The following RBFOX1 variants were observed in gnomAD, a reference collection of about 807,000 sequenced individuals.
The protein encoded by RBFOX1 is RNA binding protein fox-1 homolog 1.
In RBFOX1, 8 loss-of-function variants were observed where a neutral mutation model predicts 57.7. That is an observed-to-expected ratio of 0.14 (90% CI 0.08 to 0.25). RBFOX1 has a LOEUF of 0.25. RBFOX1 is among the 10% of genes least tolerant of loss of function. The pLI is 1.00. For missense variants in RBFOX1, 611 were observed against 548.5 expected (o/e 1.11, Z -1.14); for synonymous variants, 326 against 222.4 (o/e 1.47, Z -4.15).
At chr16:6,962,198 C>T (rs982475196) in intron 3 of RBFOX1, among the ~76,000 whole-genome samples, 5 of 152,150 alleles carry the variant, frequency 3.3e-5, no homozygotes, top group African/African-American at 2.4e-5. Context: ...AGAATGACTC[C>T]AACTCTGCTT....
chr16:7,559,197 TA>T (rs1050480166), intron 5 of RBFOX1, among the ~76,000 whole-genome samples: 3 of 152,204 alleles, frequency 2.0e-5, no homozygotes, highest in African/African-American at 7.2e-5. Context: ...AAATTCAATA[TA>T]AAAGATCGAA....
intron 1 of RBFOX1, among the ~76,000 whole-genome samples, chr16:6,183,698 A>G (rs1042917852): frequency 6.6e-6 from 1 of 152,034 alleles, no homozygotes; most frequent in African/African-American, 2.4e-5. Flanking sequence ...CGGTGTAAAG[A>G]CACCTGGCTG....
intron 4 of RBFOX1, among the ~76,000 whole-genome samples, chr16:7,336,912 TATTC>T (rs2096798653): frequency 6.6e-6 from 1 of 152,188 alleles, no homozygotes; most frequent in South Asian, 2.1e-4. Context: ...CTAATGTAAA[TATTC>T]ATGTATTTTG....
Position 6,186,963 on chromosome 16 carries a change from T to C in RBFOX1, c.-126-130032T>C, listed in dbSNP as rs564953554. On this transcript the variant is annotated intron_variant, in intron 1 of 15. Coordinates refer to ENST00000550418, the MANE Select transcript of RBFOX1 (RefSeq NM_018723.4). ...ACAAGTCATTGGATGTTTCTGAAGC[T>C]CCATTGATCTCTTTATTTGGGTATA... 1.3e-5 allele frequency among the ~76,000 whole-genome samples: 2 copies of C among 152,308 alleles called. 1 individual carries two copies. The highest frequency in any genetic ancestry group is 4.1e-4 in the South Asian group (2 of 4,824).
chr16:7,529,415 G>A (rs771262289), intron 5 of RBFOX1, among the ~76,000 whole-genome samples: 10 of 152,276 alleles, frequency 6.6e-5, no homozygotes, highest in South Asian at 6.2e-4. Context: ...AATTACAAGC[G>A]TGATGGTATG....
At position 5,849,318 on chromosome 16, in the gene RBFOX1, C is replaced by T. The variant is rs139374523; in HGVS notation, c.319-17985C>T. ...GGGAAATGGCAGTAACAAGTGTCACCAGGTATTGGGTCCAAACAGGAGACT... is the reference window on the plus strand; with the variant it reads ...GGGAAATGGCAGTAACAAGTGTCACTAGGTATTGGGTCCAAACAGGAGACT... On this transcript the variant is annotated intron_variant, in intron 3 of 19. Coordinates refer to the RBFOX1 transcript ENST00000641259. Among the ~76,000 whole-genome samples, 790 of 152,118 alleles carry T rather than the reference C, an allele frequency of 5.2e-3. 7 individuals carry two copies. The highest frequency in any genetic ancestry group is 0.018 in the African/African-American group (755 of 41,470).
chr16:5,440,145 C>G (rs2068040193), intron 1 of RBFOX1, among the ~76,000 whole-genome samples: 2 of 152,142 alleles, frequency 1.3e-5, no homozygotes, highest in South Asian at 4.1e-4. Flanking sequence ...TATAATAAGA[C>G]CACTTGTAAA....
intron 11 of RBFOX1, among the ~76,000 whole-genome samples, chr16:7,648,503 G>T (rs576299693): frequency 6.6e-6 from 1 of 152,202 alleles, no homozygotes; most frequent in Non-Finnish European, 1.5e-5. Flanking sequence ...GATTACAGGT[G>T]TGAGACACTG....
At chr16:7,623,846 C>T (rs1245810138) in intron 10 of RBFOX1, among the ~76,000 whole-genome samples, 6 of 152,202 alleles carry the variant, frequency 3.9e-5, no homozygotes, top group Admixed American at 1.3e-4. Flanking sequence ...TGTGTGTCCT[C>T]ATCTCCTCTT....
chr16:5,939,719 C>A (rs995051204), intron 4 of RBFOX1, among the ~76,000 whole-genome samples: 1 of 152,132 alleles, frequency 6.6e-6, no homozygotes, highest in Non-Finnish European at 1.5e-5. Context: ...AAAGTGTCAG[C>A]AAATCTGTGG....
intron 4 of RBFOX1, among the ~76,000 whole-genome samples, chr16:7,330,985 G>T (rs370402954): frequency 2.0e-4 from 31 of 152,234 alleles, no homozygotes; most frequent in African/African-American, 7.2e-4. Context: ...GGGTCAGTGC[G>T]CAGCTGTTAT....
At chr16:6,100,541 T>C (rs1040480498) in intron 1 of RBFOX1, among the ~76,000 whole-genome samples, 1 of 152,214 alleles carries the variant, frequency 6.6e-6, no homozygotes, top group African/African-American at 2.4e-5. Flanking sequence ...TTGCACTTAA[T>C]AGACTTTGAT....
rs2092782327 is a variant in RBFOX1, at chr16:7,001,398, T to TGTATGTGTATG, written c.-15-50659_-15-50658insGTATGTGTATG. On this transcript the variant is annotated intron_variant, in intron 3 of 15. Coordinates refer to ENST00000550418, the MANE Select transcript of RBFOX1 (RefSeq NM_018723.4). ...TGTGTATGTGTATGTGTATGTGTAT[T>TGTATGTGTATG]TGTATATGTATATGTATATGTATAT... 3.0e-3 allele frequency among the ~76,000 whole-genome samples: 304 copies of TGTATGTGTATG among 100,860 alleles called. 6 individuals carry two copies. Among genetic ancestry groups the TGTATGTGTATG allele is most frequent in the African/African-American group, 9.6e-3 (277 of 28,948 alleles). The allele number at this position is 100,860 out of a possible 152,430, so 66.2% of individuals were successfully genotyped here.
intron 3 of RBFOX1, among the ~76,000 whole-genome samples, chr16:5,861,873 G>A (rs1474707657): frequency 2.6e-5 from 4 of 152,198 alleles, no homozygotes; most frequent in Non-Finnish European, 4.4e-5. Flanking sequence ...GGTCAGGAAA[G>A]AAAAGACCAT....
At chr16:5,487,346 G>A (rs1001318232) in intron 2 of RBFOX1, among the ~76,000 whole-genome samples, 1 of 152,212 alleles carries the variant, frequency 6.6e-6, no homozygotes, top group Non-Finnish European at 1.5e-5. Context: ...CTTTTTCAAT[G>A]AATGGGGGAA....
chr16:6,094,705 C>G lies in RBFOX1; in HGVS notation c.-127+74713C>G, dbSNP rs1056941001. Among the ~76,000 whole-genome samples, 6 of 152,314 alleles carry G rather than the reference C, an allele frequency of 3.9e-5. No individual in the cohort carries two copies. The East Asian group carries it at 5.8e-4, about 15-fold the overall frequency. ...TTATCCTATGACTCAGTTTCCTCAT[C>G]TGCACATTGGAAATAATGACAGTAT... On this transcript the variant is annotated intron_variant, in intron 1 of 15. Transcript: ENST00000550418.
At chr16:6,706,399 A>G (rs1057405894) in intron 3 of RBFOX1, among the ~76,000 whole-genome samples, 1 of 152,230 alleles carries the variant, frequency 6.6e-6, no homozygotes, top group African/African-American at 2.4e-5. Context: ...CTCTTGGGGA[A>G]TAATCAAGGC....
intron 4 of RBFOX1, among the ~76,000 whole-genome samples, chr16:7,147,932 C>G (rs1255345499): frequency 6.6e-6 from 1 of 152,304 alleles, no homozygotes; most frequent in African/African-American, 2.4e-5. Context: ...TACATTCTCA[C>G]CAACAGTGTA....
At chr16:6,594,043 G>A (rs112418956) in intron 2 of RBFOX1, among the ~76,000 whole-genome samples, 7 of 152,204 alleles carry the variant, frequency 4.6e-5, no homozygotes, top group African/African-American at 1.7e-4. Context: ...ACTACCCAGG[G>A]AACATCACAC....
Sources: gnomAD v4.1 joint callset for allele counts (sites outside exome capture counted in the v4.1 genomes callset) on GRCh38, gnomAD v4.1.1 for gene constraint, MANE v1.5 for transcripts, NCBI Gene and HGNC (gene_info 2026-07-23, HGNC 2026-07-21) for gene names.